Variants in CNTN5 observed in about 807,000 individuals in gnomAD.
CNTN5 encodes contactin 5, also known as contactin-5.
A neutral mutation model predicts 129.1 loss-of-function variants in CNTN5; 77 were observed. The observed-to-expected ratio is 0.60, with a 90% CI of 0.50 to 0.72. The LOEUF (loss-of-function observed/expected upper bound fraction) is 0.72, where lower values mean the gene tolerates loss of function less well. Among genes scored for constraint, CNTN5 ranks in the 30% least tolerant of loss-of-function variants. The pLI, the probability that CNTN5 is intolerant of heterozygous loss-of-function variation, is 0.00. For synonymous variants in CNTN5, 509 were observed against 465.6 expected, an observed-to-expected ratio of 1.09 and a Z score of -1.20; for missense variants, 1,478 against 1,328.8, an observed-to-expected ratio of 1.11 and a Z score of -1.75.
chr11:99,113,790 G>A (rs1398949835), intron 1 of CNTN5, among the ~76,000 whole-genome samples: 2 of 151,924 alleles, frequency 1.3e-5, no homozygotes, highest in South Asian at 4.1e-4. Flanking sequence ...CATTTCTTTG[G>A]GGGAAAGAAA....
chr11:99,712,441 T>C (rs528960879), intron 3 of CNTN5, among the ~76,000 whole-genome samples: 7 of 152,190 alleles, frequency 4.6e-5, no homozygotes, highest in Non-Finnish European at 1.0e-4. Context: ...CTGTTCACTT[T>C]GCTGATAGTT....
chr11:100,055,849 T>G (rs1230874929), intron 9 of CNTN5, among the ~76,000 whole-genome samples: 1 of 151,572 alleles, frequency 6.6e-6, no homozygotes, highest in Admixed American at 6.6e-5. Flanking sequence ...GTCTTCTCTC[T>G]CTCTCTCTTG....
In CNTN5 at chr11:99,827,597, A is replaced by G. The variant is rs533374607; in HGVS notation, c.277+7832A>G. ...CATGAGCAGCATATAGTGATAACAC[A>G]TATTTTTGTTAGGTCTGTTTTGGCC... On this transcript the variant is annotated intron_variant, in intron 4 of 24. Transcript: ENST00000524871. 4.6e-5 allele frequency among the ~76,000 whole-genome samples: 7 copies of G among 152,322 alleles called. No individual in the cohort carries two copies. The South Asian group carries it at 1.2e-3, about 27-fold the overall frequency.
Position 99,647,353 on chromosome 11 carries a change from C to T in CNTN5, c.55+91084C>T, listed in dbSNP as rs78972745. ...TTGTCAAAAATCAGTTGGCTACAAACGTGGATTTATTTCTGGCTTCTCTTT... is the reference window on the plus strand; with the variant it reads ...TTGTCAAAAATCAGTTGGCTACAAATGTGGATTTATTTCTGGCTTCTCTTT... On this transcript the variant is annotated intron_variant, in intron 3 of 24. Transcript: ENST00000524871. Among the ~76,000 whole-genome samples, 1,424 of 152,014 alleles carry T rather than the reference C, an allele frequency of 9.4e-3. 24 individuals carry two copies. The highest frequency in any genetic ancestry group is 0.029 in the African/African-American group (1,190 of 41,518).
chr11:99,970,996 T>A (rs912547834), intron 8 of CNTN5, among the ~76,000 whole-genome samples: 2 of 152,188 alleles, frequency 1.3e-5, no homozygotes, highest in East Asian at 3.9e-4. Flanking sequence ...TTGCCAAAGA[T>A]CATGAAATTA....
intron 13 of CNTN5, among the ~76,000 whole-genome samples, chr11:100,189,194 A>C (rs927196745): frequency 3.3e-5 from 5 of 151,914 alleles, no homozygotes; most frequent in Non-Finnish European, 7.4e-5. Flanking sequence ...ATACCCACCC[A>C]GGTAACAAAC....
intron 1 of CNTN5, among the ~76,000 whole-genome samples, chr11:99,110,133 G>C (rs1477838210): frequency 1.3e-5 from 2 of 152,090 alleles, no homozygotes; most frequent in East Asian, 3.9e-4. Flanking sequence ...CTTCCTCAAA[G>C]AGTAGCATTT....
At chr11:99,093,813 G>A (rs934491528) in intron 1 of CNTN5, among the ~76,000 whole-genome samples, 7 of 151,862 alleles carry the variant, frequency 4.6e-5, no homozygotes, top group African/African-American at 1.7e-4. Flanking sequence ...GTCAGGGCAA[G>A]TACAGTTATC....
intron 3 of CNTN5, among the ~76,000 whole-genome samples, chr11:99,598,280 T>C (rs1950187620): frequency 1.7e-4 from 1 of 5,922 alleles, no homozygotes; most frequent in African/African-American, 4.1e-4. Context: ...TTTTCTTTTC[T>C]TTTCTTTTCT....
chr11:100,182,845 C>A (rs1591364988), intron 13 of CNTN5, among the ~76,000 whole-genome samples: 1 of 151,860 alleles, frequency 6.6e-6, no homozygotes, highest in Middle Eastern at 3.4e-3. Context: ...AGAAATGCCA[C>A]AGACTGGTAG....
intron 1 of CNTN5, among the ~76,000 whole-genome samples, chr11:99,194,464 T>C (rs1030309068): frequency 6.6e-6 from 1 of 152,146 alleles, no homozygotes; most frequent in African/African-American, 2.4e-5. Context: ...AAAAGCTGAA[T>C]GTAAATATTA....
At chr11:100,081,013 A>G (rs891663997) in intron 13 of CNTN5, among the ~76,000 whole-genome samples, 16 of 152,246 alleles carry the variant, frequency 1.1e-4, no homozygotes, top group African/African-American at 3.6e-4. Context: ...CCATGAACTT[A>G]AGGGGATGAG....
chr11:99,999,343 G>A (rs190329424), intron 8 of CNTN5, among the ~76,000 whole-genome samples: 107 of 152,272 alleles, frequency 7.0e-4, no homozygotes, highest in Middle Eastern at 3.4e-3. Flanking sequence ...AAAAGTGGGC[G>A]AAGGACATGA....
intron 2 of CNTN5, among the ~76,000 whole-genome samples, chr11:99,340,514 C>T (rs2851133): frequency 0.99 from 150,671 of 152,300 alleles, 74,548 homozygotes; most frequent in East Asian, 1. Context: ...ATTATAAAGA[C>T]TTAAGGAGGA....
At chr11:99,828,925 A>G (rs1032436859) in intron 4 of CNTN5, among the ~76,000 whole-genome samples, 2 of 152,146 alleles carry the variant, frequency 1.3e-5, no homozygotes, top group South Asian at 2.1e-4. Flanking sequence ...TGTACTTGCT[A>G]TATTCTATTT....
chr11:99,878,448 A>G (rs1282205708), intron 6 of CNTN5, among the ~76,000 whole-genome samples: 2 of 152,200 alleles, frequency 1.3e-5, no homozygotes, highest in Non-Finnish European at 1.5e-5. Context: ...AGTGCAAGGT[A>G]GTGATGGCAT....
chr11:100,268,286 T>C (rs1469180579), intron 17 of CNTN5, among the ~76,000 whole-genome samples: 5 of 152,142 alleles, frequency 3.3e-5, no homozygotes, highest in African/African-American at 9.7e-5. Context: ...GTAAAGTTAT[T>C]GGCATATAAA....
intron 13 of CNTN5, among the ~76,000 whole-genome samples, chr11:100,092,485 T>A (rs1159450651): frequency 1.3e-5 from 2 of 152,144 alleles, no homozygotes; most frequent in African/African-American, 4.8e-5. Flanking sequence ...TTAAGCACCA[T>A]CCATATTAAG....
intron 3 of CNTN5, among the ~76,000 whole-genome samples, chr11:99,694,905 A>G (rs1954203685): frequency 6.6e-6 from 1 of 152,156 alleles, no homozygotes; most frequent in African/African-American, 2.4e-5. Flanking sequence ...TCCCCATTTT[A>G]CTGATAAATA....
Sources: allele counts gnomAD v4.1 joint callset (sites outside exome capture counted in the v4.1 genomes callset), GRCh38; gene constraint gnomAD v4.1.1; transcripts MANE v1.5; gene names NCBI Gene and HGNC (gene_info 2026-07-23, HGNC 2026-07-21).